The following CLIC5 variants were observed in gnomAD, a reference collection of about 807,000 sequenced individuals.
The protein encoded by CLIC5 is chloride intracellular channel protein 5.
A neutral mutation model predicts 24.7 loss-of-function variants in CLIC5; 20 were observed. The observed-to-expected ratio is 0.81, with a 90% CI of 0.57 to 1.18. CLIC5 has a LOEUF of 1.18. Among genes scored for constraint, CLIC5 ranks in the 50% most tolerant of loss-of-function variants. The pLI is 0.00. For missense variants in CLIC5, 341 were observed against 326.1 expected (o/e 1.05, Z -0.35); for synonymous variants, 159 against 135.6 (o/e 1.17, Z -1.20).
the CLIC5 span, among the ~76,000 whole-genome samples, chr6:46,099,370 A>G: frequency 4.4e-4 from 67 of 152,358 alleles, no homozygotes; most frequent in Middle Eastern, 6.8e-3. Context: ...CTCCCTTGAA[A>G]GCAGGACTTT....
intron 1 of CLIC5, among the ~76,000 whole-genome samples, chr6:46,044,388 G>A (rs1767898888): frequency 1.3e-5 from 2 of 152,186 alleles, no homozygotes; most frequent in African/African-American, 4.8e-5. Flanking sequence ...GGGAAAACAA[G>A]AAGTAGTGGA....
At chr6:46,035,519 T>G (rs1767634608) in intron 1 of CLIC5, among the ~76,000 whole-genome samples, 1 of 152,208 alleles carries the variant, frequency 6.6e-6, no homozygotes, top group Non-Finnish European at 1.5e-5. Context: ...TTTGTTTGCC[T>G]CTGGATATTG....
intron 6 of CLIC5, among the ~76,000 whole-genome samples, chr6:45,887,630 C>T (rs755206841): frequency 2.6e-5 from 4 of 152,208 alleles, no homozygotes; most frequent in Non-Finnish European, 4.4e-5. Context: ...GTCACCATCC[C>T]TGATTTGTCA....
chr6:45,938,747 TA>T lies in CLIC5; in HGVS notation c.406+2799del, dbSNP rs140649118. ...ATGGATAATATGTAAACACCATTTA[TA>T]ATTTTAAAAATCTGGAGGGCTCAAA... is the stretch of plus-strand genomic sequence containing the variant. On this transcript the variant is annotated intron_variant, in intron 4 of 5. Transcript: ENST00000339561. Among the ~76,000 whole-genome samples the T allele has an allele frequency of 6.9e-3, 1,049 of 152,326 alleles. 10 individuals are homozygous for T. The highest frequency in any genetic ancestry group is 0.023 in the African/African-American group (971 of 41,568).
At chr6:45,981,997 CA>C (rs199678716) in intron 1 of CLIC5, among the ~76,000 whole-genome samples, 94 of 133,546 alleles carry the variant, frequency 7.0e-4, no homozygotes, top group Admixed American at 8.3e-4. Context: ...GACTCCATCT[CA>C]AAAAAAAAAA....
intron 1 of CLIC5, among the ~76,000 whole-genome samples, chr6:46,009,061 G>A (rs534082094): frequency 8.5e-5 from 13 of 152,150 alleles, no homozygotes; most frequent in Admixed American, 2.0e-4. Flanking sequence ...CAGGACCTGG[G>A]CAGGTACAAG....
chr6:46,107,603 G>C, the CLIC5 span, among the ~76,000 whole-genome samples: 1 of 152,174 alleles, frequency 6.6e-6, no homozygotes, highest in South Asian at 2.1e-4. Context: ...CATAAGAAAA[G>C]TAGGAAGTAT....
intron 1 of CLIC5, among the ~76,000 whole-genome samples, chr6:46,002,944 AG>A (rs1326168888): frequency 3.3e-5 from 5 of 152,228 alleles, no homozygotes; most frequent in African/African-American, 1.2e-4. Context: ...GATTTAGCGC[AG>A]CAATTTCTCC....
In CLIC5 at chr6:45,912,957, C is replaced by T. The variant is rs552036729; in HGVS notation, c.588+1271G>A. On this transcript the variant is annotated intron_variant, in intron 5 of 5. Coordinates refer to ENST00000339561, the MANE Select transcript of CLIC5 (RefSeq NM_016929.5). ...TACGGAAACACCAGTGTACACACAA[C>T]TGAGTGACTTCAGCTCAAGCTGGTA... Among the ~76,000 whole-genome samples the T allele has an allele frequency of 5.9e-4, 90 of 152,334 alleles. 1 individual carries two copies. The highest frequency in any genetic ancestry group is 3.1e-3 in the South Asian group (15 of 4,824).
At position 46,040,453 on chromosome 6, in the gene CLIC5, G is replaced by C. The variant is rs1767775433; in HGVS notation, c.540+39250C>G. Among the ~76,000 whole-genome samples the C allele has an allele frequency of 3.3e-5, 5 of 152,174 alleles. No individual in the cohort carries two copies. In the South Asian group the frequency reaches 1.0e-3, roughly 32 times the overall value. On this transcript the variant is annotated intron_variant, in intron 1 of 5. Coordinates refer to the CLIC5 transcript ENST00000185206. ...AATGGTAGCGGAACACAGTAATAGT[G>C]GTGGTGGTGAAAGTAATGGCGCTGG...
At position 45,942,010 on chromosome 6, in the gene CLIC5, G is replaced by A. The variant is rs189548383; in HGVS notation, c.300-357C>T. On this transcript the variant is annotated intron_variant, in intron 3 of 5. Transcript: ENST00000339561. ...CCCTCTGAGCTTGCCTCTCTATCTG[G>A]TAGGGTTCTCAACACTTCCCTTACC... Among the ~76,000 whole-genome samples the A allele has an allele frequency of 2.0e-5, 3 of 152,216 alleles. No homozygotes were observed. In the East Asian group the frequency reaches 5.8e-4, roughly 30 times the overall value.
chr6:45,928,177 C>A (rs1162911952), intron 4 of CLIC5, among the ~76,000 whole-genome samples: 1 of 152,114 alleles, frequency 6.6e-6, no homozygotes, highest in African/African-American at 2.4e-5. Context: ...CAACAAATTA[C>A]CCTCTCTAAA....
At chr6:46,084,031 G>A (rs993749919), upstream of CLIC5, among the ~76,000 whole-genome samples, 1 of 152,112 alleles carries the variant, frequency 6.6e-6, no homozygotes, top group Non-Finnish European at 1.5e-5. Flanking sequence ...ATTATGTAAT[G>A]GCCTTCTTTG....
At chr6:45,921,039 A>G (rs990606617) in intron 4 of CLIC5, among the ~76,000 whole-genome samples, 1 of 152,182 alleles carries the variant, frequency 6.6e-6, no homozygotes, top group Non-Finnish European at 1.5e-5. Flanking sequence ...TTAAAGAAAG[A>G]GAACAGTAGC....
At chr6:46,077,241 A>G (rs2127477892) in intron 1 of CLIC5, among the ~76,000 whole-genome samples, 1 of 152,326 alleles carries the variant, frequency 6.6e-6, no homozygotes, top group Non-Finnish European at 1.5e-5. Flanking sequence ...TTAAGCCTCA[A>G]TAAAATGTTG....
intron 1 of CLIC5, among the ~76,000 whole-genome samples, chr6:46,034,827 T>C (rs936305007): frequency 6.6e-6 from 1 of 152,188 alleles, no homozygotes; most frequent in African/African-American, 2.4e-5. Context: ...AGAGCAGGCA[T>C]GTAGGGCACG....
the CLIC5 span, among the ~76,000 whole-genome samples, chr6:46,090,988 C>T: frequency 6.6e-6 from 1 of 152,180 alleles, no homozygotes. Flanking sequence ...AGGTACCTCA[C>T]CTCCATTTTC....
intron 1 of CLIC5, among the ~76,000 whole-genome samples, chr6:46,046,339 C>A (rs971565493): frequency 6.6e-6 from 1 of 152,194 alleles, no homozygotes; most frequent in African/African-American, 2.4e-5. Context: ...GTAAAATCAA[C>A]AGCAAAACAA....
At chr6:45,967,740 A>G (rs1446221758) in intron 1 of CLIC5, among the ~76,000 whole-genome samples, 1 of 152,150 alleles carries the variant, frequency 6.6e-6, no homozygotes, top group African/African-American at 2.4e-5. Flanking sequence ...TTATGATCAT[A>G]GTGGAAAGCA....
Sources: allele counts gnomAD v4.1 joint callset (sites outside exome capture counted in the v4.1 genomes callset), GRCh38; gene constraint gnomAD v4.1.1; transcripts MANE v1.5; gene names NCBI Gene and HGNC (gene_info 2026-07-23, HGNC 2026-07-21).